Variants in SDC3 observed in about 807,000 individuals in gnomAD.
SDC3 encodes the protein syndecan-3.
A neutral mutation model predicts 24.4 loss-of-function variants in SDC3; 13 were observed. That is an observed-to-expected ratio of 0.53 (90% CI 0.35 to 0.85). SDC3 has a LOEUF of 0.85. Ranked by LOEUF, SDC3 falls within the 40% of genes least tolerant of loss-of-function variation. SDC3 has a pLI of 0.01. For missense variants in SDC3, 571 were observed against 584.5 expected (o/e 0.98, Z 0.24); for synonymous variants, 295 against 260.9 (o/e 1.13, Z -1.26).
At chr1:30,882,841 C>A in intron 1 of SDC3, among the ~76,000 whole-genome samples, 1 of 152,146 alleles carries the variant, frequency 6.6e-6, no homozygotes, top group Admixed American at 6.6e-5. Flanking sequence ...TCTTTACTAC[C>A]CGGTTGGCTG....
chr1:30,887,552 G>T (rs548279702), intron 1 of SDC3, among the ~76,000 whole-genome samples: 1 of 151,896 alleles, frequency 6.6e-6, no homozygotes, highest in East Asian at 1.9e-4. Flanking sequence ...CCCAAACGAC[G>T]TCCCCACGTG....
intron 1 of SDC3, among the ~76,000 whole-genome samples, chr1:30,879,803 A>G (rs1242290729): frequency 6.6e-6 from 1 of 152,180 alleles, no homozygotes; most frequent in Non-Finnish European, 1.5e-5. Flanking sequence ...TGTGGGTGCC[A>G]AAACAAGGGA....
At position 30,870,554 on chromosome 1, in the gene SDC3, C is replaced by G. The variant is rs944299001; in HGVS notation, c.*2657G>C. The G allele has an allele frequency of 1.3e-5, 2 of 152,458 alleles. No homozygotes were observed. The highest frequency in any genetic ancestry group is 4.8e-5 in the African/African-American group (2 of 41,464). The allele number at this position is 152,458 out of a possible 1,614,324, so 9.4% of individuals were successfully genotyped here. A position where few individuals can be genotyped will look rare whatever the true frequency, so the allele number is the denominator to read the frequency against. ...GACTGCCTTGCCCCGGTCAGGCCGG[C>G]CAGGGCAGATTTGGGCTGGTCAGAC... On this transcript the variant is annotated 3_prime_UTR_variant, in exon 5 of 5. Coordinates refer to ENST00000339394, the MANE Select transcript of SDC3 (RefSeq NM_014654.4).
intron 2 of SDC3, chr1:30,877,395 C>T: frequency 3.2e-6 from 2 of 629,640 alleles, no homozygotes; most frequent in Non-Finnish European, 5.7e-6. Flanking sequence ...GGGGCCGCCT[C>T]TCCCGGGAAG....
chr1:30,890,009 GA>G (rs1163812536), intron 1 of SDC3, among the ~76,000 whole-genome samples: 5 of 151,402 alleles, frequency 3.3e-5, no homozygotes, highest in East Asian at 1.9e-4. Flanking sequence ...TTTGGCAAAA[GA>G]AAAAAAAACT....
chr1:30,881,030 C>A (rs79932473), intron 1 of SDC3, among the ~76,000 whole-genome samples: 13,508 of 136,644 alleles, frequency 0.099, 1,477 homozygotes, highest in East Asian at 0.49. Flanking sequence ...CACGCATGCA[C>A]ACACACACAC....
chr1:30,905,752 A>G (rs1323757889), intron 1 of SDC3, among the ~76,000 whole-genome samples: 1 of 152,116 alleles, frequency 6.6e-6, no homozygotes, highest in African/African-American at 2.4e-5. Context: ...TTGAGTGGTG[A>G]CTTAAGTACA....
At chr1:30,903,448 C>G (rs538016740) in intron 1 of SDC3, among the ~76,000 whole-genome samples, 16 of 152,312 alleles carry the variant, frequency 1.1e-4, no homozygotes, top group African/African-American at 3.6e-4. Flanking sequence ...TACACATGCA[C>G]GCACACACAA....
In SDC3 at chr1:30,908,614, CG is replaced by C; in HGVS notation, c.-29del. The C allele has an allele frequency of 1.1e-6, 1 of 922,326 alleles. No homozygotes were observed. The highest frequency in any genetic ancestry group is 1.3e-6 in the Non-Finnish European group (1 of 776,940). 57.1% of individuals were successfully genotyped at this position (922,326 alleles called of 1,614,324 possible). ...CGGCGGCGCGGGCGCGGGCGGCGGG[CG>C]GCGGGCGGGCGCCTTTGTTCCCGAG... On this transcript the variant is annotated 5_prime_UTR_variant, in exon 1 of 5. Coordinates refer to ENST00000339394, the MANE Select transcript of SDC3 (RefSeq NM_014654.4).
intron 4 of SDC3, among the ~76,000 whole-genome samples, chr1:30,873,595 C>T (rs1489763609): frequency 6.6e-6 from 1 of 152,212 alleles, no homozygotes; most frequent in East Asian, 1.9e-4. Flanking sequence ...ACTGAACCCT[C>T]ACACCAGCCC....
chr1:30,870,152 A>G lies in SDC3; in HGVS notation c.*3059T>C, dbSNP rs570522420. 12 of 374,884 alleles carry G rather than the reference A, an allele frequency of 3.2e-5. No individual in the cohort carries two copies. The highest frequency in any genetic ancestry group is 2.5e-4 in the African/African-American group (12 of 48,264). 23.2% of individuals were successfully genotyped at this position (374,884 alleles called of 1,614,324 possible). A position where few individuals can be genotyped will look rare whatever the true frequency, so the allele number is the denominator to read the frequency against. On this transcript the variant is annotated 3_prime_UTR_variant, in exon 5 of 5. Transcript: ENST00000339394. ...CCTGTGTCCAGGGGCCCCCACCAGG[A>G]GGCCTGACAGGCGGCTTTGCCAACC...
Position 30,877,111 on chromosome 1 carries a change from G to A in SDC3, c.311C>T (p.Ala104Val). 6.2e-7 allele frequency: 1 copy of A among 1,613,988 alleles called. No individual in the cohort carries two copies. The highest frequency in any genetic ancestry group is 8.5e-7 in the Non-Finnish European group (1 of 1,179,976). ...CGCAGGTGTGGTGGACACCGCCAGGGCTACATCTGGGCTGAAGCGCATGGC... is the reference window on the plus strand; with the variant it reads ...CGCAGGTGTGGTGGACACCGCCAGGACTACATCTGGGCTGAAGCGCATGGC... ...ETAMRFSPDVALAVSTTPAVL... is the reference protein window; with the variant it reads ...ETAMRFSPDVVLAVSTTPAVL... The change falls in exon 3 of 5, where the codon GCC becomes GTC. Residue 104 changes from alanine (A) to valine (V), a missense_variant. Ala to Val is a moderately conservative substitution (Grantham distance 64, BLOSUM62 0). Around this residue, in one of 2 missense-constraint regions of SDC3, gnomAD observed 497 missense variants for 471.6 expected, o/e 1.05. Transcript: ENST00000339394.
At chr1:30,899,520 C>T (rs1253485210) in intron 1 of SDC3, among the ~76,000 whole-genome samples, 1 of 152,174 alleles carries the variant, frequency 6.6e-6, no homozygotes, top group Non-Finnish European at 1.5e-5. Context: ...ATTACAGGCA[C>T]CTGCCACCGC....
intron 1 of SDC3, among the ~76,000 whole-genome samples, chr1:30,882,228 G>C (rs564226378): frequency 1.6e-4 from 25 of 152,072 alleles, no homozygotes; most frequent in Admixed American, 6.5e-5. Flanking sequence ...GCGCAAACAC[G>C]CACTTTCCTT....
chr1:30,889,460 C>G (rs1044798718), intron 1 of SDC3, among the ~76,000 whole-genome samples: 10 of 152,234 alleles, frequency 6.6e-5, no homozygotes, highest in African/African-American at 2.4e-4. Flanking sequence ...GGTTGCTGAC[C>G]ACCCCCAGAT....
chr1:30,904,630 C>T (rs1638481246), intron 1 of SDC3, among the ~76,000 whole-genome samples: 1 of 152,162 alleles, frequency 6.6e-6, no homozygotes, highest in Non-Finnish European at 1.5e-5. Context: ...CCAGCCCTGC[C>T]TTGAGGATAG....
At chr1:30,876,188 G>A (rs1270497057) in intron 3 of SDC3, among the ~76,000 whole-genome samples, 1 of 152,116 alleles carries the variant, frequency 6.6e-6, no homozygotes, top group Non-Finnish European at 1.5e-5. Flanking sequence ...ATCAGGGACT[G>A]GCCTGAGGTC....
intron 1 of SDC3, among the ~76,000 whole-genome samples, chr1:30,894,754 C>T (rs1639976715): frequency 6.6e-6 from 1 of 151,616 alleles, no homozygotes; most frequent in Non-Finnish European, 1.5e-5. Context: ...TGGGCGTACA[C>T]AGGCATGCAC....
chr1:30,903,751 G>A (rs1638459784), intron 1 of SDC3, among the ~76,000 whole-genome samples: 1 of 152,202 alleles, frequency 6.6e-6, no homozygotes, highest in South Asian at 2.1e-4. Flanking sequence ...GGGGTAGGGA[G>A]GCCCCAGAGA....
Sources: allele counts gnomAD v4.1 joint callset (sites outside exome capture counted in the v4.1 genomes callset), GRCh38; gene constraint gnomAD v4.1.1; regional missense constraint gnomAD v4.1.1; transcripts MANE v1.5; gene names NCBI Gene and HGNC (gene_info 2026-07-23, HGNC 2026-07-21).